CNTN2: variants seen among roughly 807,000 people sequenced by gnomAD.
CNTN2 encodes the protein contactin 2, also known as contactin-2.
CNTN2 carries 53 observed loss-of-function variants against 117.5 expected under a neutral mutation model. The observed-to-expected ratio is 0.45, with a 90% confidence interval of 0.36 to 0.57. The LOEUF is 0.57. Ranked by LOEUF, CNTN2 falls within the 20% of genes least tolerant of loss-of-function variation. The pLI is 0.00. For missense variants in CNTN2, 1,106 were observed against 1,404.3 expected (o/e 0.79, Z 3.39); for synonymous variants, 530 against 561.7 (o/e 0.94, Z 0.80).
At chr1:205,053,433 T>C (rs1422537872) in intron 2 of CNTN2, among the ~76,000 whole-genome samples, 178 bp downstream of exon 2, 3 of 152,030 alleles carry the variant, frequency 2.0e-5, no homozygotes, top group Non-Finnish European at 4.4e-5. Flanking sequence ...TCCTTTGAGT[T>C]TAGGAGGAGA....
rs1653949553 is a variant in CNTN2, at chr1:205,061,011, G to A, written c.798-234G>A. The A allele has an allele frequency of 8.0e-6, 4 of 498,484 alleles. No homozygotes were observed. The Admixed American group carries it at 1.5e-4, about 18-fold the overall frequency. The allele number at this position is 498,484 out of a possible 1,614,324, so 30.9% of individuals were successfully genotyped here. The stretch of plus-strand genomic sequence containing the variant: ...GAAGCCCGGCTTCACTGGCTCCAGG[G>A]TTGTTGCAGGGGGGATGGGTAGAGC... On this transcript the variant is annotated intron_variant, in intron 7 of 22. Coordinates refer to ENST00000331830, the MANE Select transcript of CNTN2 (RefSeq NM_005076.5). This position sits in a 1 kb window ranked among gnomAD's most constrained non-coding sequence, Gnocchi z 4.8.
rs1489192028 is a variant in CNTN2 at position 205,061,854 on chromosome 1, G to A, written c.974-11G>A. ...AGCTCATGCCAGGTTTTCTTTTCCG[G>A]GCTCCCACAGCTCAGCCTGAGTGGC... On this transcript the variant is annotated splice_polypyrimidine_tract_variant and intron_variant, in intron 8 of 22. Coordinates refer to ENST00000331830, the MANE Select transcript of CNTN2 (RefSeq NM_005076.5). This position sits in a 1 kb window ranked among gnomAD's most constrained non-coding sequence, Gnocchi z 4.8. The A allele has an allele frequency of 6.6e-7, 1 of 1,503,796 alleles. No individual in the cohort carries two copies. Among genetic ancestry groups the A allele is most frequent in the Non-Finnish European group, 8.9e-7 (1 of 1,125,956 alleles). The allele number at this position is 1,503,796 out of a possible 1,614,324, so 93.2% of individuals were successfully genotyped here.
chr1:205,059,250 G>C lies in CNTN2; in HGVS notation c.654G>C (p.Lys218Asn), dbSNP rs1653835996. Reference protein sequence around the residue: ...LATSHMDFSTKSVFSKFAQLN... With the variant: ...LATSHMDFSTNSVFSKFAQLN... ...CCAGCCACATGGACTTCTCCACCAA[G>C]AGCGTCTTCAGCAAGTTTGCTCAGC... is the stretch of plus-strand genomic sequence containing the variant. Residue 218 changes from lysine (K) to asparagine (N), a missense_variant, in exon 6 of 23, where the codon AAG becomes AAC. Lys to Asn is a moderately conservative substitution (Grantham distance 94). Transcript: ENST00000331830. The surrounding 1 kb of genome is among the most constrained non-coding windows in gnomAD (Gnocchi z 5.6). 6.2e-7 allele frequency: 1 copy of C among 1,614,180 alleles called. No homozygotes were observed. The highest frequency in any genetic ancestry group is 8.5e-7 in the Non-Finnish European group (1 of 1,180,038).
chr1:205,061,010 G>C lies in CNTN2; in HGVS notation c.798-235G>C. 2.0e-6 allele frequency: 1 copy of C among 496,324 alleles called. No individual in the cohort carries two copies. The highest frequency in any genetic ancestry group is 2.9e-5 in the South Asian group (1 of 33,988). 30.7% of individuals were successfully genotyped at this position (496,324 alleles called of 1,614,324 possible). A position where few individuals can be genotyped will look rare whatever the true frequency, so the allele number is the denominator to read the frequency against. On this transcript the variant is annotated intron_variant, in intron 7 of 22. Transcript: ENST00000331830. This position sits in a 1 kb window ranked among gnomAD's most constrained non-coding sequence, Gnocchi z 4.8. ...AGAAGCCCGGCTTCACTGGCTCCAG[G>C]GTTGTTGCAGGGGGGATGGGTAGAG...
intron 15 of CNTN2, among the ~76,000 whole-genome samples, 160 bp downstream of exon 15, chr1:205,066,759 CAG>C (rs1169948453): frequency 6.6e-6 from 1 of 152,106 alleles, no homozygotes; most frequent in Admixed American, 6.5e-5. Context: ...AGCATGCAGG[CAG>C]GCAGGAAGAC....
chr1:205,058,047 G>A lies in CNTN2; in HGVS notation c.197G>A (p.Ser66Asn), dbSNP rs372226887. ...TTGCTGGCATGCCGCGCCCGGGCCA[G>A]CCCTCCAGCCACCTATCGGTAAGGC... ...QVLLACRARASPPATYRWKMN... is the reference protein window; with the variant it reads ...QVLLACRARANPPATYRWKMN... The change falls in exon 3 of 23, where the codon AGC (serine) becomes AAC (asparagine). Residue 66 changes from serine to asparagine, a missense_variant. By Grantham distance (46) the Ser-to-Asn change is conservative (BLOSUM62 1). Coordinates refer to ENST00000331830, the MANE Select transcript of CNTN2 (RefSeq NM_005076.5). This position sits in a 1 kb window ranked among gnomAD's most constrained non-coding sequence, Gnocchi z 4.3. 1.2e-6 allele frequency: 2 copies of A among 1,613,464 alleles called. No homozygotes were observed. The highest frequency in any genetic ancestry group is 2.7e-5 in the African/African-American group (2 of 74,938).
At chr1:205,049,494 G>A (rs4996932) in intron 1 of CNTN2, among the ~76,000 whole-genome samples, 54,183 of 151,808 alleles carry the variant, frequency 0.36, 11,890 homozygotes, top group Non-Finnish European at 0.5. Flanking sequence ...ACACAGACGC[G>A]CACACACACC....
chr1:205,058,564 C>T lies in CNTN2; in HGVS notation c.392-4C>T. The T allele has an allele frequency of 6.2e-7, 1 of 1,613,466 alleles. No individual in the cohort carries two copies. Among genetic ancestry groups the T allele is most frequent in the South Asian group, 1.1e-5 (1 of 91,038 alleles). The stretch of plus-strand genomic sequence containing the variant: ...GTGCCTGAGCCCCTGGTCTCTGCCT[C>T]CAGTTCTGCAGGAATTCTCCAAGGA... On this transcript the variant is annotated splice_region_variant and splice_polypyrimidine_tract_variant and intron_variant, in intron 4 of 22. Coordinates refer to ENST00000331830, the MANE Select transcript of CNTN2 (RefSeq NM_005076.5). The surrounding 1 kb of genome is among the most constrained non-coding windows in gnomAD (Gnocchi z 4.3).
chr1:205,075,688 C>T lies in CNTN2; in HGVS notation c.*1923C>T, dbSNP rs1420866150. Reference sequence around the variant, plus strand: ...CTGCCACAGCCAAACCCCCACTGCACCCTACCCACCCACCCCTAGCCCAGG... The same window carrying T: ...CTGCCACAGCCAAACCCCCACTGCATCCTACCCACCCACCCCTAGCCCAGG... On this transcript the variant is annotated 3_prime_UTR_variant, in exon 23 of 23. Transcript: ENST00000331830. 1 of 137,156 alleles carries T rather than the reference C, an allele frequency of 7.3e-6. No homozygotes were observed. The highest frequency in any genetic ancestry group is 1.6e-5 in the Non-Finnish European group (1 of 63,342). 8.5% of individuals were successfully genotyped at this position (137,156 alleles called of 1,614,324 possible).
intron 16 of CNTN2, 120 bp downstream of exon 16, chr1:205,067,370 C>T: frequency 7.8e-7 from 1 of 1,274,466 alleles, no homozygotes; most frequent in Non-Finnish European, 1.1e-6. Flanking sequence ...AGGGTTCAGA[C>T]TCTCACAAAA....
At position 205,070,464 on chromosome 1, in the gene CNTN2, G is replaced by A; in HGVS notation, c.2470G>A (p.Val824Ile). The A allele has an allele frequency of 1.2e-6, 2 of 1,614,030 alleles. No homozygotes were observed. Among genetic ancestry groups the A allele is most frequent in the Non-Finnish European group, 1.7e-6 (2 of 1,179,966 alleles). The change falls in exon 19 of 23, where the codon GTC becomes ATC. Residue 824 changes from valine to isoleucine, a missense_variant. Coordinates refer to ENST00000331830, the MANE Select transcript of CNTN2 (RefSeq NM_005076.5). Reference sequence around the variant, plus strand: ...CCCTACCAAGGTGTGGGCCAAAGGGGTCTCATCCTCAGAGATGAACGTGAC... The same window carrying A: ...CCCTACCAAGGTGTGGGCCAAAGGGATCTCATCCTCAGAGATGAACGTGAC... ...VAPTKVWAKG[V>I]SSSEMNVTWE...
intron 16 of CNTN2, chr1:205,068,387 T>A (rs1292105363): frequency 6.6e-6 from 1 of 152,242 alleles, no homozygotes; most frequent in African/African-American, 2.4e-5. Context: ...CCAGACTGAC[T>A]CTCCAGGCCC....
At chr1:205,072,943 G>T in intron 21 of CNTN2, 125 bp from the exon 22 acceptor site, 1 of 971,520 alleles carries the variant, frequency 1.0e-6, no homozygotes, top group Non-Finnish European at 1.5e-6. Flanking sequence ...TGGGGAGGAG[G>T]GGTGAGGAGG....
rs1477916385 is a variant in CNTN2 at position 205,070,007 on chromosome 1, C to A, written c.2377C>A (p.Arg793Ser). Residue 793 changes from arginine to serine, a missense_variant, in exon 18 of 23, where the codon CGC becomes AGC. By Grantham distance (110) the Arg-to-Ser change is moderately radical. Transcript: ENST00000331830. Reference sequence around the variant, plus strand: ...TGAGGTCAAGATCCGCAGCTACAACCGCCGCGGGGATGGGCCCGAGAGCCT... The same window carrying A: ...TGAGGTCAAGATCCGCAGCTACAACAGCCGCGGGGATGGGCCCGAGAGCCT... Reference protein sequence around the residue: ...PFEVKIRSYNRRGDGPESLTA... With the variant: ...PFEVKIRSYNSRGDGPESLTA... 1.9e-6 allele frequency: 3 copies of A among 1,613,696 alleles called. No homozygotes were observed. The African/African-American group carries it at 4.0e-5, about 22-fold the overall frequency.
chr1:205,049,046 G>A (rs1470392588), intron 1 of CNTN2, among the ~76,000 whole-genome samples: 5 of 151,668 alleles, frequency 3.3e-5, no homozygotes, highest in Non-Finnish European at 7.4e-5. Flanking sequence ...GGCAACCCCA[G>A]GTGCTCCTGG....
rs2096455778 is a variant in CNTN2 at position 205,053,139 on chromosome 1, G to A, written c.-47G>A. 1 of 1,529,574 alleles carries A rather than the reference G, an allele frequency of 6.5e-7. No individual in the cohort carries two copies. Among genetic ancestry groups the A allele is most frequent in the South Asian group, 1.2e-5 (1 of 85,198 alleles). 94.8% of individuals were successfully genotyped at this position (1,529,574 alleles called of 1,614,324 possible). A position where few individuals can be genotyped will look rare whatever the true frequency, so the allele number is the denominator to read the frequency against. On this transcript the variant is annotated 5_prime_UTR_variant, in exon 2 of 23. Transcript: ENST00000331830. The stretch of plus-strand genomic sequence containing the variant: ...TCCAGCTGGGCTGTCCCCAAGCTGA[G>A]CTGAGGCTCTTCTCCTCCGATCCCC...
chr1:205,061,350 G>C lies in CNTN2; in HGVS notation c.903G>C (p.Glu301Asp). 1 of 1,613,940 alleles carries C rather than the reference G, an allele frequency of 6.2e-7. No homozygotes were observed. Among genetic ancestry groups the C allele is most frequent in the South Asian group, 1.1e-5 (1 of 91,040 alleles). ...TCCCCAGCGTCAGCTTTGAGGATGA[G>C]GGCACCTACGAGTGTGAGGCGGAGA... ...LQIPSVSFED[E>D]GTYECEAENS... Residue 301 changes from glutamate (E) to aspartate (D), a missense_variant, in exon 8 of 23, where the codon GAG becomes GAC. Physicochemically the swap from Glu to Asp is conservative, Grantham distance 45. Coordinates refer to ENST00000331830, the MANE Select transcript of CNTN2 (RefSeq NM_005076.5). The surrounding 1 kb of genome is among the most constrained non-coding windows in gnomAD (Gnocchi z 4.8).
At position 205,077,054 on chromosome 1, in the gene CNTN2, T is replaced by C. The variant is rs939222793; in HGVS notation, c.*3289T>C. The stretch of plus-strand genomic sequence containing the variant: ...TGAGGAATTTTGACAGCTGTTGACA[T>C]GGGATTTGGGAAAGGTGAAGCTGTG... On this transcript the variant is annotated 3_prime_UTR_variant, in exon 23 of 23. Transcript: ENST00000331830. The C allele has an allele frequency of 6.6e-6, 1 of 152,088 alleles. No individual in the cohort carries two copies. The highest frequency in any genetic ancestry group is 6.5e-5 in the Admixed American group (1 of 15,280). The allele number at this position is 152,088 out of a possible 1,614,324, so 9.4% of individuals were successfully genotyped here.
chr1:205,059,439 T>A lies in CNTN2; in HGVS notation c.698-144T>A. ...GACCCCCAGATCCTCCTGCTTCAAA[T>A]CCTGAGGCCCTTGCCCCAGGCCTCA... On this transcript the variant is annotated intron_variant, in intron 6 of 22. Transcript: ENST00000331830. This position sits in a 1 kb window ranked among gnomAD's most constrained non-coding sequence, Gnocchi z 5.6. 8.7e-7 allele frequency: 1 copy of A among 1,154,664 alleles called. No individual in the cohort carries two copies. Among genetic ancestry groups the A allele is most frequent in the Admixed American group, 2.0e-5 (1 of 50,748 alleles). The allele number at this position is 1,154,664 out of a possible 1,614,324, so 71.5% of individuals were successfully genotyped here.
Sources: allele counts gnomAD v4.1 joint callset (sites outside exome capture counted in the v4.1 genomes callset), GRCh38; gene constraint gnomAD v4.1.1; non-coding constraint Gnocchi (gnomAD v3.1); transcripts MANE v1.5; gene names NCBI Gene and HGNC (gene_info 2026-07-23, HGNC 2026-07-21).